DOCK3: variants seen among roughly 807,000 people sequenced by gnomAD.
DOCK3 encodes the protein dedicator of cytokinesis 3.
DOCK3 carries 60 observed loss-of-function variants against 265.6 expected under a neutral mutation model. The observed-to-expected ratio is 0.23, with a 90% CI of 0.18 to 0.28. The LOEUF is 0.28. DOCK3 is among the 10% of genes least tolerant of loss of function. The pLI, the probability that DOCK3 is intolerant of heterozygous loss-of-function variation, is 1.00. For synonymous variants in DOCK3, 881 were observed against 938.0 expected, an observed-to-expected ratio of 0.94 and a Z score of 1.11; for missense variants, 1,981 against 2,594.3, an observed-to-expected ratio of 0.76 and a Z score of 5.14.
At chr3:50,937,512 G>A (rs139015864) in intron 5 of DOCK3, among the ~76,000 whole-genome samples, 2,230 of 151,964 alleles carry the variant, frequency 0.015, 53 homozygotes, top group African/African-American at 0.051. Context: ...AAAATTAGCC[G>A]GGCGTGGTGG....
rs190570574 is a variant in DOCK3, at chr3:51,122,108, G to A, written c.747-24441G>A. Among the ~76,000 whole-genome samples the A allele has an allele frequency of 2.7e-3, 406 of 152,302 alleles. 3 individuals carry two copies. The highest frequency in any genetic ancestry group is 7.7e-3 in the South Asian group (37 of 4,822). ...GGATATTATTTATTCTTGATGGCCA[G>A]AATGTTACATCCCTGGTAGCGTATC... On this transcript the variant is annotated intron_variant, in intron 9 of 52. Transcript: ENST00000266037.
intron 10 of DOCK3, among the ~76,000 whole-genome samples, chr3:51,151,438 A>C (rs1489022010): frequency 6.6e-6 from 1 of 152,230 alleles, no homozygotes; most frequent in Admixed American, 6.5e-5. Context: ...TCTGTAGGTC[A>C]CCAGCATCAA....
intron 1 of DOCK3, among the ~76,000 whole-genome samples, chr3:50,696,652 T>C (rs2035638301): frequency 6.6e-6 from 1 of 152,202 alleles, no homozygotes; most frequent in African/African-American, 2.4e-5. Context: ...AGCTACCATC[T>C]TCCCTTTAAT....
chr3:50,899,681 A>G (rs1305784025), intron 4 of DOCK3, among the ~76,000 whole-genome samples: 1 of 152,150 alleles, frequency 6.6e-6, no homozygotes, highest in Non-Finnish European at 1.5e-5. Flanking sequence ...GGTGGTGACA[A>G]AATCTCTCAG....
chr3:51,229,553 C>T lies in DOCK3; in HGVS notation c.1861C>T (p.Arg621Trp), dbSNP rs369862076. 1.2e-6 allele frequency: 2 copies of T among 1,607,450 alleles called. No homozygotes were observed. Among genetic ancestry groups the T allele is most frequent in the Non-Finnish European group, 1.7e-6 (2 of 1,176,824 alleles). The stretch of plus-strand genomic sequence containing the variant: ...GCTGAAGTGGAAAGCCTTCCCCGAC[C>T]GGATCATGGATGTACTAGGGCGGCT... ...ALLKWKAFPDRIMDVLGRLRH... is the reference protein window; with the variant it reads ...ALLKWKAFPDWIMDVLGRLRH... Residue 621 changes from arginine to tryptophan, a missense_variant, in exon 19 of 53, where the codon CGG becomes TGG. By Grantham distance (101) the Arg-to-Trp change is moderately radical (BLOSUM62 -3). This residue lies in a region of DOCK3 where 1,357 missense variants were observed against 1,866.8 expected (regional missense o/e 0.73). Transcript: ENST00000266037.
intron 32 of DOCK3, among the ~76,000 whole-genome samples, chr3:51,320,793 A>G (rs1189103188): frequency 6.6e-6 from 1 of 152,164 alleles, no homozygotes; most frequent in Non-Finnish European, 1.5e-5. Context: ...CTCTCTGGGC[A>G]GGGCATCTCT....
intron 21 of DOCK3, among the ~76,000 whole-genome samples, chr3:51,238,203 C>T (rs548127816): frequency 2.2e-4 from 27 of 120,874 alleles, no homozygotes; most frequent in Middle Eastern, 7.1e-3. Context: ...AGTGCAGTGG[C>T]GCAATCTTGG....
chr3:51,365,177 G>A (rs1465304854), intron 49 of DOCK3, among the ~76,000 whole-genome samples: 4 of 152,050 alleles, frequency 2.6e-5, no homozygotes, highest in Non-Finnish European at 5.9e-5. Flanking sequence ...AGTGGTTTGT[G>A]GTTCTTCTTG....
chr3:50,771,945 A>G (rs2041304974), intron 1 of DOCK3, among the ~76,000 whole-genome samples: 1 of 152,246 alleles, frequency 6.6e-6, no homozygotes, highest in South Asian at 2.1e-4. Flanking sequence ...TGCTGGGTAT[A>G]TACCCCAAAG....
chr3:51,161,213 G>T (rs951396437), intron 12 of DOCK3, among the ~76,000 whole-genome samples: 11 of 152,266 alleles, frequency 7.2e-5, no homozygotes, highest in African/African-American at 2.6e-4. Flanking sequence ...GGGAGGCCAA[G>T]GCAGGCGGAT....
chr3:51,215,794 A>C (rs936541058), intron 14 of DOCK3, among the ~76,000 whole-genome samples: 1 of 152,148 alleles, frequency 6.6e-6, no homozygotes, highest in African/African-American at 2.4e-5. Flanking sequence ...TTTGGATGGG[A>C]AATGTAGGCT....
chr3:50,933,849 T>C, intron 4 of DOCK3, 132 bp from the exon 5 acceptor site: 1 of 553,978 alleles, frequency 1.8e-6, no homozygotes, highest in Non-Finnish European at 3.2e-6. Context: ...AGGTCTTTGA[T>C]CAATTAGATA....
chr3:51,256,593 GTTT>G (rs74193219), intron 22 of DOCK3, among the ~76,000 whole-genome samples: 6 of 126,780 alleles, frequency 4.7e-5, no homozygotes, highest in African/African-American at 5.8e-5. Context: ...TTTCGTTTTT[GTTT>G]TTTTTTTTTT....
chr3:51,133,377 T>TG (rs2084649549), intron 9 of DOCK3, among the ~76,000 whole-genome samples: 1 of 140,408 alleles, frequency 7.1e-6, no homozygotes, highest in Non-Finnish European at 1.5e-5. Flanking sequence ...AGTGTTTTCA[T>TG]TGCTCAATTC....
At chr3:50,999,425 T>C (rs1335698754) in intron 5 of DOCK3, among the ~76,000 whole-genome samples, 1 of 152,190 alleles carries the variant, frequency 6.6e-6, no homozygotes, top group Admixed American at 6.5e-5. Context: ...CTCAAATACT[T>C]ATATTGGGGA....
chr3:51,079,429 C>T (rs2082153755), intron 7 of DOCK3, among the ~76,000 whole-genome samples: 2 of 152,054 alleles, frequency 1.3e-5, no homozygotes, highest in Non-Finnish European at 2.9e-5. Context: ...ACCTCCTGGG[C>T]TCCAGCAATC....
chr3:51,255,114 T>C (rs1576558060), intron 22 of DOCK3, among the ~76,000 whole-genome samples: 1 of 152,314 alleles, frequency 6.6e-6, no homozygotes, highest in South Asian at 2.1e-4. Context: ...TTTATTTCTC[T>C]TTCACTTATG....
chr3:50,679,175 T>A (rs1043067032), intron 1 of DOCK3, among the ~76,000 whole-genome samples: 1 of 152,190 alleles, frequency 6.6e-6, no homozygotes, highest in Admixed American at 6.5e-5. Flanking sequence ...GGTCTTGCTA[T>A]GTTGCCCAGG....
At chr3:51,056,765 T>C (rs1293867502) in intron 5 of DOCK3, among the ~76,000 whole-genome samples, 1 of 152,100 alleles carries the variant, frequency 6.6e-6, no homozygotes, top group Admixed American at 6.6e-5. Flanking sequence ...GTTAATTTGT[T>C]AAAAAGAAAG....
Sources: allele counts gnomAD v4.1 joint callset (sites outside exome capture counted in the v4.1 genomes callset), GRCh38; gene constraint gnomAD v4.1.1; regional missense constraint gnomAD v4.1.1; transcripts MANE v1.5; gene names NCBI Gene and HGNC (gene_info 2026-07-23, HGNC 2026-07-21).